Variants in RXFP2 observed in about 807,000 individuals in gnomAD.
RXFP2 encodes the protein relaxin family peptide receptor 2.
Under a neutral mutation model 88.6 loss-of-function variants are expected in RXFP2, and 68 were observed. The observed-to-expected ratio is 0.77, with a 90% CI of 0.63 to 0.94. The LOEUF (loss-of-function observed/expected upper bound fraction) is 0.94. RXFP2 is among the 40% of genes least tolerant of loss of function. The pLI, the probability that RXFP2 is intolerant of heterozygous loss-of-function variation, is 0.00. For synonymous variants in RXFP2, 329 were observed against 306.8 expected (o/e 1.07, Z -0.76); for missense variants, 791 against 893.9 (o/e 0.88, Z 1.47).
chr13:31,750,101 C>T (rs1871598249), intron 1 of RXFP2, among the ~76,000 whole-genome samples: 1 of 152,132 alleles, frequency 6.6e-6, no homozygotes, highest in Non-Finnish European at 1.5e-5. Flanking sequence ...GAGTTAAAAA[C>T]AAGTGACAAA....
intron 8 of RXFP2, among the ~76,000 whole-genome samples, 167 bp from the exon 9 acceptor site, chr13:31,778,345 A>T (rs1873092591): frequency 6.6e-6 from 1 of 152,116 alleles, no homozygotes; most frequent in Non-Finnish European, 1.5e-5. Flanking sequence ...CTGCTCCCTA[A>T]TCTTTGCCAT....
intron 1 of RXFP2, among the ~76,000 whole-genome samples, chr13:31,745,827 TTTG>T (rs1871387154): frequency 2.0e-5 from 3 of 152,206 alleles, no homozygotes; most frequent in Non-Finnish European, 2.9e-5. Context: ...GAAGGTAGAC[TTTG>T]TCCTTCAGAC....
At position 31,803,336 on chromosome 13, in the gene RXFP2, G is replaced by GA. The variant is rs1375358551; in HGVS notation, c.*938dup. 1.3e-5 allele frequency: 2 copies of GA among 151,998 alleles called. No individual in the cohort carries two copies. Among genetic ancestry groups the GA allele is most frequent in the African/African-American group, 4.8e-5 (2 of 41,386 alleles). The allele number at this position is 151,998 out of a possible 1,614,324, so 9.4% of individuals were successfully genotyped here. On this transcript the variant is annotated 3_prime_UTR_variant, in exon 18 of 18. Coordinates refer to ENST00000298386, the MANE Select transcript of RXFP2 (RefSeq NM_130806.5). ...GGGGTGGTTTTTTGAAAACGAAACTGAAAAAAATTATATGTGAAAATGAGA... is the reference window on the plus strand; with the variant it reads ...GGGGTGGTTTTTTGAAAACGAAACTGAAAAAAAATTATATGTGAAAATGAGA...
intron 17 of RXFP2, among the ~76,000 whole-genome samples, chr13:31,801,034 T>G (rs1874311291): frequency 6.6e-6 from 1 of 151,538 alleles, no homozygotes; most frequent in South Asian, 2.1e-4. Flanking sequence ...AGATAAGCAG[T>G]CAGAGAAGAA....
chr13:31,795,137 G>C (rs962846423), intron 16 of RXFP2, among the ~76,000 whole-genome samples: 3 of 151,374 alleles, frequency 2.0e-5, no homozygotes, highest in African/African-American at 7.3e-5. Flanking sequence ...TTACTATCGT[G>C]CATTTAGAGC....
intron 4 of RXFP2, among the ~76,000 whole-genome samples, chr13:31,765,433 T>A (rs1033089440): frequency 2.8e-5 from 1 of 35,316 alleles, no homozygotes; most frequent in South Asian, 7.4e-4. Flanking sequence ...GTTGAAATGC[T>A]TTTTTTTTTT....
At chr13:31,784,867 C>T (rs905091218) in intron 11 of RXFP2, among the ~76,000 whole-genome samples, 1 of 152,150 alleles carries the variant, frequency 6.6e-6, no homozygotes, top group Non-Finnish European at 1.5e-5. Context: ...CTGCTGCTGT[C>T]CCCCTTAACC....
chr13:31,739,933 A>G (rs749135412), intron 1 of RXFP2, among the ~76,000 whole-genome samples: 27 of 152,182 alleles, frequency 1.8e-4, no homozygotes, highest in Non-Finnish European at 2.9e-4. Context: ...ATGTTATTAA[A>G]GCTGTAGATA....
At chr13:31,751,631 A>AT (rs1345109347) in intron 1 of RXFP2, among the ~76,000 whole-genome samples, 1 of 152,232 alleles carries the variant, frequency 6.6e-6, no homozygotes, top group African/African-American at 2.4e-5. Flanking sequence ...TCCCACTCAG[A>AT]GGAAGAACAG....
intron 1 of RXFP2, among the ~76,000 whole-genome samples, chr13:31,750,848 A>G (rs1418210862): frequency 6.6e-6 from 1 of 152,230 alleles, no homozygotes; most frequent in Non-Finnish European, 1.5e-5. Context: ...AAGTGGAGAC[A>G]TTGACTTACT....
rs756498095 is a variant in RXFP2, at chr13:31,791,988, T to C, written c.1328T>C (p.Ile443Thr). The change falls in exon 15 of 18, where the codon ATT (isoleucine) becomes ACT (threonine). Residue 443 changes from isoleucine (I) to threonine (T), a missense_variant. Ile to Thr is a moderately conservative substitution (Grantham distance 89). Transcript: ENST00000298386. ...TTTGTCATTGGCATGAGATCTTTCA[T>C]TAAAGCTGAAAATACAACTCACGCT... ...NLFVIGMRSF[I>T]KAENTTHAMS... is the part of the protein sequence containing the mutation. 1.2e-6 allele frequency: 2 copies of C among 1,614,158 alleles called. No individual in the cohort carries two copies. Among genetic ancestry groups the C allele is most frequent in the Non-Finnish European group, 1.7e-6 (2 of 1,179,982 alleles).
At position 31,761,781 on chromosome 13, in the gene RXFP2, T is replaced by A; in HGVS notation, c.299T>A (p.Val100Glu). Residue 100 changes from valine (V) to glutamate (E), a missense_variant, in exon 3 of 18, where the codon GTG (valine) becomes GAG (glutamate). Coordinates refer to ENST00000298386, the MANE Select transcript of RXFP2 (RefSeq NM_130806.5). ...ACAGTGCATGGAAATGCTAACAGCG[T>A]GGCCTTAACACAGGAGTGCTGTAAG... Reference protein sequence around the residue: ...FGTVHGNANSVALTQECFLKQ... With the variant: ...FGTVHGNANSEALTQECFLKQ... 1.2e-6 allele frequency: 2 copies of A among 1,612,428 alleles called. No individual in the cohort carries two copies. The highest frequency in any genetic ancestry group is 1.7e-6 in the Non-Finnish European group (2 of 1,178,544).
At chr13:31,745,067 G>A (rs995905842) in intron 1 of RXFP2, among the ~76,000 whole-genome samples, 8 of 152,020 alleles carry the variant, frequency 5.3e-5, no homozygotes, top group African/African-American at 1.9e-4. Flanking sequence ...CTACTTGGGA[G>A]GCTAAGGCAG....
At chr13:31,763,604 C>T (rs1376773841) in intron 3 of RXFP2, among the ~76,000 whole-genome samples, 2 of 150,836 alleles carry the variant, frequency 1.3e-5, no homozygotes, top group Admixed American at 6.6e-5. Flanking sequence ...CCAGAAAATG[C>T]CATTGAGAAG....
intron 3 of RXFP2, among the ~76,000 whole-genome samples, chr13:31,764,284 C>CAT (rs1555282325): frequency 0.014 from 2,103 of 150,426 alleles, 67 homozygotes; most frequent in East Asian, 0.12. Flanking sequence ...CACACACACA[C>CAT]ACACAGTGAC....
At chr13:31,797,120 A>G in intron 16 of RXFP2, 81 bp from the exon 17 acceptor site, 5 of 965,874 alleles carry the variant, frequency 5.2e-6, no homozygotes, top group South Asian at 1.3e-5. Context: ...CATTTTGGGT[A>G]AGGGATACTC....
chr13:31,770,246 T>G (rs1872689148), intron 5 of RXFP2, among the ~76,000 whole-genome samples: 1 of 152,226 alleles, frequency 6.6e-6, no homozygotes, highest in Admixed American at 6.5e-5. Flanking sequence ...AGACCAGCAT[T>G]GAGCTCATCC....
intron 1 of RXFP2, among the ~76,000 whole-genome samples, chr13:31,741,621 A>G (rs922345611): frequency 6.6e-6 from 1 of 152,162 alleles, no homozygotes; most frequent in Admixed American, 6.5e-5. Flanking sequence ...AAATTATGTG[A>G]TCGTCTTTTC....
At chr13:31,786,112 T>C (rs1873525222) in intron 11 of RXFP2, among the ~76,000 whole-genome samples, 1 of 152,138 alleles carries the variant, frequency 6.6e-6, no homozygotes, top group African/African-American at 2.4e-5. Flanking sequence ...TTAACCAAAT[T>C]AGATATGAAA....
Sources: gnomAD v4.1 joint callset for allele counts (sites outside exome capture counted in the v4.1 genomes callset) on GRCh38, gnomAD v4.1.1 for gene constraint, MANE v1.5 for transcripts, NCBI Gene and HGNC (gene_info 2026-07-23, HGNC 2026-07-21) for gene names.